PLCD3: variants seen among roughly 807,000 people sequenced by gnomAD.
The protein encoded by PLCD3 is phospholipase C delta 3.
PLCD3 carries 62 observed loss-of-function variants against 82.8 expected under a neutral mutation model. The ratio of observed to expected loss-of-function variants is 0.75; its 90% CI spans 0.61 to 0.93. The LOEUF (loss-of-function observed/expected upper bound fraction) is 0.93. Among genes scored for constraint, PLCD3 ranks in the 40% least tolerant of loss-of-function variants. The pLI is 0.00. For missense variants in PLCD3, 1,023 were observed against 1,103.4 expected, an observed-to-expected ratio of 0.93 and a Z score of 1.03; for synonymous variants, 478 against 471.8, an observed-to-expected ratio of 1.01 and a Z score of -0.17.
At position 45,112,059 on chromosome 17, in the gene PLCD3, A is replaced by C. The variant is rs1002929514; in HGVS notation, c.*557T>G. On this transcript the variant is annotated 3_prime_UTR_variant, in exon 15 of 15. Transcript: ENST00000619929. ...TCTCAAAAAATAAAAACCAAAACCTACTGCCAGTTTCCCCAGGGCTTCATG... is the reference window on the plus strand; with the variant it reads ...TCTCAAAAAATAAAAACCAAAACCTCCTGCCAGTTTCCCCAGGGCTTCATG... 1 of 153,602 alleles carries C rather than the reference A, an allele frequency of 6.5e-6. No individual in the cohort carries two copies. Among genetic ancestry groups the C allele is most frequent in the African/African-American group, 2.4e-5 (1 of 41,472 alleles). The allele number at this position is 153,602 out of a possible 1,614,324, so 9.5% of individuals were successfully genotyped here. A position where few individuals can be genotyped will look rare whatever the true frequency, so the allele number is the denominator to read the frequency against.
At chr17:45,116,374 G>A (rs979251301) in intron 8 of PLCD3, among the ~76,000 whole-genome samples, 4 of 152,136 alleles carry the variant, frequency 2.6e-5, no homozygotes, top group African/African-American at 9.7e-5. Context: ...CTACGGGCAG[G>A]GACACAGGGC....
At position 45,116,693 on chromosome 17, in the gene PLCD3, C is replaced by T; in HGVS notation, c.1352G>A (p.Gly451Glu). 6.2e-7 allele frequency: 1 copy of T among 1,611,210 alleles called. No individual in the cohort carries two copies. Among genetic ancestry groups the T allele is most frequent in the Non-Finnish European group, 8.5e-7 (1 of 1,178,496 alleles). ...AMARHLCTIL[G>E]DMLVTQALDS... ...CAGCGCCTGTGTCACCAGCATGTCC[C>T]CCAGGATGGTGCAGAGGTGGCGGGC... is the stretch of plus-strand genomic sequence containing the variant. Residue 451 changes from glycine (G) to glutamate (E), a missense_variant, in exon 8 of 15, where the codon GGG (glycine) becomes GAG (glutamate). This residue lies in a region of PLCD3 where 553 missense variants were observed against 655.7 expected (regional missense o/e 0.84). Transcript: ENST00000619929.
rs2054225068 is a variant in PLCD3 at position 45,109,300 on chromosome 17, G to A, written c.*3316C>T. 1 of 152,342 alleles carries A rather than the reference G, an allele frequency of 6.6e-6. No individual in the cohort carries two copies. The allele number at this position is 152,342 out of a possible 1,614,324, so 9.4% of individuals were successfully genotyped here. ...CCAGCACCTGAGCACCTCAGCACAGGAGCCGGCCCAGGCTTCCCTAGCTGG... is the reference window on the plus strand; with the variant it reads ...CCAGCACCTGAGCACCTCAGCACAGAAGCCGGCCCAGGCTTCCCTAGCTGG... On this transcript the variant is annotated 3_prime_UTR_variant, in exon 15 of 15. Transcript: ENST00000619929.
rs370436896 is a variant in PLCD3, at chr17:45,112,661, C to G, written c.2325G>C (p.Leu775=). Reference sequence around the variant, plus strand: ...TTTGGATGAAGAGCGTGGCTGGTGACAGTGAGGCCCCGTCCTTGGAAAGCA... The same window carrying G: ...TTTGGATGAAGAGCGTGGCTGGTGAGAGTGAGGCCCCGTCCTTGGAAAGCA... ...IHLLSKDGAS[L]SPATLFIQIR... Residue 775 remains leucine (L), a synonymous_variant, in exon 15 of 15, where the codon CTG becomes CTC. Coordinates refer to ENST00000619929, the MANE Select transcript of PLCD3 (RefSeq NM_133373.5). 1 of 1,607,270 alleles carries G rather than the reference C, an allele frequency of 6.2e-7. No individual in the cohort carries two copies. The highest frequency in any genetic ancestry group is 8.5e-7 in the Non-Finnish European group (1 of 1,177,232).
chr17:45,122,614 C>G (rs1266925912), intron 1 of PLCD3, among the ~76,000 whole-genome samples: 1 of 152,200 alleles, frequency 6.6e-6, no homozygotes, highest in African/African-American at 2.4e-5. Context: ...TGGCACTAAC[C>G]TGTCACTAAG....
intron 1 of PLCD3, among the ~76,000 whole-genome samples, chr17:45,121,666 G>A (rs1405171556): frequency 6.6e-6 from 1 of 152,198 alleles, no homozygotes; most frequent in Non-Finnish European, 1.5e-5. Flanking sequence ...ACTGCCCTCG[G>A]ACAATGCCTG....
At chr17:45,131,318 A>G (rs1352446708) in intron 1 of PLCD3, among the ~76,000 whole-genome samples, 1 of 152,148 alleles carries the variant, frequency 6.6e-6, no homozygotes, top group Non-Finnish European at 1.5e-5. Context: ...TCCATCACTG[A>G]CTATTCTACC....
Position 45,118,532 on chromosome 17 carries a change from A to T in PLCD3, c.914-40T>A. The T allele has an allele frequency of 6.2e-7, 1 of 1,604,976 alleles. No homozygotes were observed. Among genetic ancestry groups the T allele is most frequent in the Non-Finnish European group, 8.5e-7 (1 of 1,173,266 alleles). ...GGAGAGGGCATCAGGCCACATAGGG[A>T]TCCCCCATGTCCAGCTTCCAATGCC... On this transcript the variant is annotated intron_variant, in intron 5 of 14. Coordinates refer to ENST00000619929, the MANE Select transcript of PLCD3 (RefSeq NM_133373.5). This position sits in a 1 kb window ranked among gnomAD's most constrained non-coding sequence, Gnocchi z 4.1.
At position 45,120,248 on chromosome 17, in the gene PLCD3, TG is replaced by T; in HGVS notation, c.684+76del. 1.9e-6 allele frequency: 3 copies of T among 1,588,916 alleles called. No individual in the cohort carries two copies. In the East Asian group the frequency reaches 6.8e-5, roughly 36 times the overall value. On this transcript the variant is annotated intron_variant, in intron 4 of 14. Coordinates refer to ENST00000619929, the MANE Select transcript of PLCD3 (RefSeq NM_133373.5). Reference sequence around the variant, plus strand: ...CAGGTGGAGAGGGCAGGGGAGCTGATGATTCAGATGGCTGGGGGCAGGCAGA... The same window carrying T: ...CAGGTGGAGAGGGCAGGGGAGCTGATATTCAGATGGCTGGGGGCAGGCAGA...
chr17:45,132,224 C>T lies in PLCD3; in HGVS notation c.163+24G>A, dbSNP rs2143621743. ...CTCTGGGAACGGTCCGCGCCCACCCCACCGCCCCTTGCCCGTCACTGACCC... is the reference window on the plus strand; with the variant it reads ...CTCTGGGAACGGTCCGCGCCCACCCTACCGCCCCTTGCCCGTCACTGACCC... On this transcript the variant is annotated intron_variant, in intron 1 of 14. Transcript: ENST00000619929. This position sits in a 1 kb window ranked among gnomAD's most constrained non-coding sequence, Gnocchi z 4.6. 2 of 1,257,814 alleles carry T rather than the reference C, an allele frequency of 1.6e-6. No homozygotes were observed. Among genetic ancestry groups the T allele is most frequent in the East Asian group, 6.1e-5 (2 of 33,044 alleles). 77.9% of individuals were successfully genotyped at this position (1,257,814 alleles called of 1,614,324 possible).
chr17:45,113,854 G>T (rs2054268764), intron 11 of PLCD3, among the ~76,000 whole-genome samples: 1 of 152,016 alleles, frequency 6.6e-6, no homozygotes, highest in South Asian at 2.1e-4. Flanking sequence ...TCAGGGCCAG[G>T]CTTGGGTCAG....
At position 45,118,094 on chromosome 17, in the gene PLCD3, TC is replaced by T. The variant is rs745905405; in HGVS notation, c.1159del (p.Glu387ArgfsTer69). On this transcript the variant is annotated frameshift_variant, in exon 7 of 15. Transcript: ENST00000619929. LOFTEE classifies it high-confidence loss of function. This position sits in a 1 kb window ranked among gnomAD's most constrained non-coding sequence, Gnocchi z 4.1. ...GCRCVELDCWEGPGGEPVIYH... is the reference protein window; with the variant it reads ...GCRCVELDCWXGPGGEPVIYH... ...GATGACGGGCTCCCCTCCTGGCCCC[TC>T]CCAGCAGTCCAGCTCCACGCAGCGG... 1 of 1,613,808 alleles carries T rather than the reference TC, an allele frequency of 6.2e-7. No homozygotes were observed. The highest frequency in any genetic ancestry group is 2.2e-5 in the East Asian group (1 of 44,872).
chr17:45,121,245 C>T lies in PLCD3; in HGVS notation c.291G>A (p.Gln97=). ...LQEDGLSVWF[Q]RRIPRAPSQH... ...GCGATGGCGCACGCGGGATGCGCCG[C>T]TGGAACCACACGCTCAGGCCGTCCT... Residue 97 remains glutamine (Q), a synonymous_variant, in exon 2 of 15, where the codon CAG becomes CAA. Coordinates refer to ENST00000619929, the MANE Select transcript of PLCD3 (RefSeq NM_133373.5). 6.3e-7 allele frequency: 1 copy of T among 1,592,046 alleles called. No homozygotes were observed. The highest frequency in any genetic ancestry group is 1.3e-5 in the African/African-American group (1 of 74,672).
intron 1 of PLCD3, among the ~76,000 whole-genome samples, chr17:45,127,140 A>C (rs2072490482): frequency 6.6e-6 from 1 of 152,154 alleles, no homozygotes; most frequent in Non-Finnish European, 1.5e-5. Context: ...GTGCTCAGTA[A>C]ATGATCACAA....
Position 45,113,187 on chromosome 17 carries a change from C to A in PLCD3, c.2066G>T (p.Arg689Leu). ...KPHSIVDPLV[R>L]IEIHGVPADC... ...TGCGGGCACCCCATGGATCTCAATG[C>A]GCACCAGGGGGTCCACAATGGAGTG... Residue 689 changes from arginine to leucine, a missense_variant, in exon 13 of 15, where the codon CGC (arginine) becomes CTC (leucine). This residue lies in a region of PLCD3 where 553 missense variants were observed against 655.7 expected (regional missense o/e 0.84). Coordinates refer to ENST00000619929, the MANE Select transcript of PLCD3 (RefSeq NM_133373.5). The A allele has an allele frequency of 6.2e-7, 1 of 1,612,024 alleles. No individual in the cohort carries two copies. Among genetic ancestry groups the A allele is most frequent in the Non-Finnish European group, 8.5e-7 (1 of 1,179,142 alleles).
In PLCD3 at chr17:45,121,265, C is replaced by A. The variant is rs749098331; in HGVS notation, c.271G>T (p.Gly91Cys). 9 of 1,591,442 alleles carry A rather than the reference C, an allele frequency of 5.7e-6. No homozygotes were observed. The African/African-American group carries it at 8.0e-5, about 14-fold the overall frequency. ...CGCCGCTGGAACCACACGCTCAGGC[C>A]GTCCTCCTGCAGCCGGTACAGCCGC... The part of the protein sequence containing the change: ...KERLYRLQED[G>C]LSVWFQRRIP... The change falls in exon 2 of 15, where the codon GGC (glycine) becomes TGC (cysteine). Residue 91 changes from glycine (G) to cysteine (C), a missense_variant. By Grantham distance (159) the Gly-to-Cys change is radical. Around this residue, in one of 3 missense-constraint regions of PLCD3, gnomAD observed 448 missense variants for 406.3 expected, o/e 1.10. Transcript: ENST00000619929.
In PLCD3 at chr17:45,108,968, T is replaced by C. The variant is rs1458224860; in HGVS notation, c.*3648A>G. ...GGAAATACCAAATGCATTGTTGTTC[T>C]GCTCAATACATCTCACTTGTTTCTA... On this transcript the variant is annotated 3_prime_UTR_variant, in exon 15 of 15. Coordinates refer to ENST00000619929, the MANE Select transcript of PLCD3 (RefSeq NM_133373.5). The C allele has an allele frequency of 6.5e-6, 1 of 152,700 alleles. No individual in the cohort carries two copies. The highest frequency in any genetic ancestry group is 1.5e-5 in the Non-Finnish European group (1 of 68,044). 9.5% of individuals were successfully genotyped at this position (152,700 alleles called of 1,614,324 possible). A position where few individuals can be genotyped will look rare whatever the true frequency, so the allele number is the denominator to read the frequency against.
At chr17:45,115,767 C>T (rs556364745) in intron 8 of PLCD3, among the ~76,000 whole-genome samples, 2 of 152,344 alleles carry the variant, frequency 1.3e-5, no homozygotes, top group African/African-American at 4.8e-5. Context: ...AAGGGACCCT[C>T]TTCAAAGAAG....
Position 45,121,266 on chromosome 17 carries a change from G to T in PLCD3, c.270C>A (p.Asp90Glu). 1 of 1,591,346 alleles carries T rather than the reference G, an allele frequency of 6.3e-7. No individual in the cohort carries two copies. Among genetic ancestry groups the T allele is most frequent in the Non-Finnish European group, 8.5e-7 (1 of 1,176,974 alleles). The change falls in exon 2 of 15, where the codon GAC becomes GAA. Residue 90 changes from aspartate to glutamate, a missense_variant. By Grantham distance (45) the Asp-to-Glu change is conservative. Coordinates refer to ENST00000619929, the MANE Select transcript of PLCD3 (RefSeq NM_133373.5). Reference sequence around the variant, plus strand: ...GCCGCTGGAACCACACGCTCAGGCCGTCCTCCTGCAGCCGGTACAGCCGCT... The same window carrying T: ...GCCGCTGGAACCACACGCTCAGGCCTTCCTCCTGCAGCCGGTACAGCCGCT... ...HKERLYRLQE[D>E]GLSVWFQRRI...
Sources: gnomAD v4.1 joint callset for allele counts (sites outside exome capture counted in the v4.1 genomes callset) on GRCh38, gnomAD v4.1.1 for gene constraint, gnomAD v4.1.1 regional missense constraint, Gnocchi (gnomAD v3.1) non-coding constraint, MANE v1.5 for transcripts, NCBI Gene and HGNC (gene_info 2026-07-23, HGNC 2026-07-21) for gene names.